Variants in NDST4 observed in about 807,000 individuals in gnomAD.
The protein encoded by NDST4 is N-heparan sulfate sulfotransferase 4.
A neutral mutation model predicts 100.8 loss-of-function variants in NDST4; 63 were observed. That is an observed-to-expected ratio of 0.62 (90% CI 0.51 to 0.77). NDST4 has a LOEUF of 0.77. Among genes scored for constraint, NDST4 ranks in the 30% least tolerant of loss-of-function variants. The probability of loss-of-function intolerance (pLI) is 0.00; values close to 1 mark genes in which losing one functional copy is unlikely to be tolerated. For missense variants in NDST4, 943 were observed against 1,018.4 expected (o/e 0.93, Z 1.01); for synonymous variants, 377 against 361.8 (o/e 1.04, Z -0.48).
chr4:114,907,287 T>A (rs1724973026), intron 6 of NDST4, among the ~76,000 whole-genome samples: 1 of 152,190 alleles, frequency 6.6e-6, no homozygotes, highest in South Asian at 2.1e-4. Flanking sequence ...GCTTCTGCTC[T>A]TGAGGGCCTG....
chr4:114,875,076 A>G (rs1724229732), intron 6 of NDST4, among the ~76,000 whole-genome samples: 1 of 152,142 alleles, frequency 6.6e-6, no homozygotes, highest in South Asian at 2.1e-4. Context: ...AGGAAAGGAA[A>G]TCTTGTTCAA....
At chr4:114,986,830 A>ATATATATATATTTATTTATTTATT (rs1553959396) in intron 2 of NDST4, among the ~76,000 whole-genome samples, 1 of 91,966 alleles carries the variant, frequency 1.1e-5, no homozygotes, top group Admixed American at 1.0e-4. Flanking sequence ...ATATATATAT[A>ATATATATATATTTATTTATTTATT]TATTTTAATA....
chr4:114,944,151 G>A (rs538850152), intron 4 of NDST4, among the ~76,000 whole-genome samples: 1 of 152,268 alleles, frequency 6.6e-6, no homozygotes, highest in East Asian at 1.9e-4. Flanking sequence ...CTATAATTTA[G>A]GGGCCAGAGT....
Position 114,937,421 on chromosome 4 carries a change from G to T in NDST4, c.1304C>A (p.Ala435Glu), listed in dbSNP as rs144091320. The change falls in exon 5 of 14, where the codon GCA becomes GAA. Residue 435 changes from alanine (A) to glutamate (E), a missense_variant. By Grantham distance (107) the Ala-to-Glu change is moderately radical (BLOSUM62 -1). Transcript: ENST00000264363. The stretch of plus-strand genomic sequence containing the variant: ...AATACCCCAGACCTTCTTCCAAGCT[G>T]CATACAGCTGAATGTGAACCGGGTA... ...GVYPVHIQLY[A>E]AWKKVWGIQV... 3.1e-6 allele frequency: 5 copies of T among 1,613,786 alleles called. No homozygotes were observed. Among genetic ancestry groups the T allele is most frequent in the East Asian group, 2.2e-5 (1 of 44,880 alleles).
intron 6 of NDST4, among the ~76,000 whole-genome samples, chr4:114,898,377 C>T (rs1724762374): frequency 6.6e-6 from 1 of 151,976 alleles, no homozygotes; most frequent in South Asian, 2.1e-4. Context: ...TTATGAATGT[C>T]TCTTTCTGGA....
chr4:114,950,454 T>G (rs184939868), intron 4 of NDST4, among the ~76,000 whole-genome samples: 1 of 152,062 alleles, frequency 6.6e-6, no homozygotes, highest in African/African-American at 2.4e-5. Context: ...CAGAACCATG[T>G]GGAAGTTAAG....
At chr4:114,957,663 G>T (rs1726168696) in intron 4 of NDST4, among the ~76,000 whole-genome samples, 1 of 152,130 alleles carries the variant, frequency 6.6e-6, no homozygotes. Context: ...CTAAGACAAG[G>T]CAAGCCCCTT....
At chr4:114,829,957 A>G (rs2126178986) in intron 12 of NDST4, 65 bp from the exon 13 acceptor site, 2 of 1,096,098 alleles carry the variant, frequency 1.8e-6, no homozygotes, top group East Asian at 4.8e-5. Context: ...CAGCCTCACC[A>G]ATTGAATAAA....
rs548454895 is a variant in NDST4, at chr4:114,923,164, T to C, written c.1536+12042A>G. Among the ~76,000 whole-genome samples, 176 of 152,314 alleles carry C rather than the reference T, an allele frequency of 1.2e-3. 1 individual carries two copies. Among genetic ancestry groups the C allele is most frequent in the African/African-American group, 3.9e-3 (163 of 41,580 alleles). ...GCATTTACATACATACTCCATATCA[T>C]ATCTGCATATTAGCCACTTAGGGAA... On this transcript the variant is annotated intron_variant, in intron 6 of 13. Transcript: ENST00000264363.
At chr4:114,954,176 G>T (rs979508632) in intron 4 of NDST4, among the ~76,000 whole-genome samples, 5 of 151,436 alleles carry the variant, frequency 3.3e-5, no homozygotes, top group Non-Finnish European at 7.4e-5. Context: ...GTTATTATTT[G>T]GTTTTTTTAA....
rs771889256 is a variant in NDST4, at chr4:114,932,356, A to C, written c.1536+2850T>G. Among the ~76,000 whole-genome samples the C allele has an allele frequency of 1.4e-4, 22 of 151,964 alleles. 1 individual carries two copies. Among genetic ancestry groups the C allele is most frequent in the Non-Finnish European group, 2.8e-4 (19 of 67,822 alleles). On this transcript the variant is annotated intron_variant, in intron 6 of 13. Transcript: ENST00000264363. Reference sequence around the variant, plus strand: ...ATAAAATATTCATCACAACACAATTAGTGCCATATATTACAAACTCACAGC... The same window carrying C: ...ATAAAATATTCATCACAACACAATTCGTGCCATATATTACAAACTCACAGC...
At chr4:114,905,685 G>A (rs755388713) in intron 6 of NDST4, among the ~76,000 whole-genome samples, 10 of 151,830 alleles carry the variant, frequency 6.6e-5, no homozygotes, top group Non-Finnish European at 1.3e-4. Context: ...GTTCAGTAGA[G>A]ATTATTATAT....
intron 12 of NDST4, among the ~76,000 whole-genome samples, chr4:114,833,401 A>G (rs1230954140): frequency 6.6e-6 from 1 of 152,198 alleles, no homozygotes; most frequent in African/African-American, 2.4e-5. Context: ...TTGCAATAAT[A>G]TAACATATAC....
chr4:114,957,963 C>A (rs1726175459), intron 4 of NDST4, among the ~76,000 whole-genome samples: 2 of 152,220 alleles, frequency 1.3e-5, no homozygotes, highest in South Asian at 4.1e-4. Context: ...TTCCTGGCTG[C>A]TTTCACTGGC....
chr4:114,947,918 T>C (rs1004793177), intron 4 of NDST4, among the ~76,000 whole-genome samples: 3 of 152,020 alleles, frequency 2.0e-5, no homozygotes, highest in Admixed American at 6.6e-5. Context: ...GGGATGCCTG[T>C]GTATGTGAAG....
chr4:115,087,607 C>T (rs1729434308), intron 1 of NDST4, among the ~76,000 whole-genome samples: 1 of 151,638 alleles, frequency 6.6e-6, no homozygotes, highest in Admixed American at 6.6e-5. Context: ...ATCTGCTAAT[C>T]TATGTAACAA....
At chr4:114,903,578 T>C (rs1321822695) in intron 6 of NDST4, among the ~76,000 whole-genome samples, 1 of 152,024 alleles carries the variant, frequency 6.6e-6, no homozygotes, top group African/African-American at 2.4e-5. Flanking sequence ...TTTGCATTTC[T>C]AGCTCCAATT....
chr4:114,833,038 T>A (rs1422916722), intron 12 of NDST4, among the ~76,000 whole-genome samples: 1 of 152,210 alleles, frequency 6.6e-6, no homozygotes, highest in African/African-American at 2.4e-5. Context: ...TCCTTCTGTA[T>A]CCTGTCTAAT....
chr4:114,979,297 G>T (rs1261625934), intron 2 of NDST4, among the ~76,000 whole-genome samples: 3 of 151,054 alleles, frequency 2.0e-5, no homozygotes, highest in Admixed American at 6.6e-5. Context: ...CATTATTTTT[G>T]ACTTTATTGC....
Sources: gnomAD v4.1 joint callset for allele counts (sites outside exome capture counted in the v4.1 genomes callset) on GRCh38, gnomAD v4.1.1 for gene constraint, MANE v1.5 for transcripts, NCBI Gene and HGNC (gene_info 2026-07-23, HGNC 2026-07-21) for gene names.